The following PIEZO2 variants were observed in gnomAD, a reference collection of about 807,000 sequenced individuals.
PIEZO2 encodes piezo-type mechanosensitive ion channel component 2.
A neutral mutation model predicts 337.3 loss-of-function variants in PIEZO2; 172 were observed. The ratio of observed to expected loss-of-function variants is 0.51; its 90% CI spans 0.45 to 0.58. The LOEUF (loss-of-function observed/expected upper bound fraction) is 0.58, where lower values mean the gene tolerates loss of function less well. PIEZO2 is among the 20% of genes least tolerant of loss of function. PIEZO2 has a pLI of 0.00. For missense variants in PIEZO2, 3,028 were observed against 3,391.3 expected, an observed-to-expected ratio of 0.89 and a Z score of 2.66; for synonymous variants, 1,251 against 1,228.5, an observed-to-expected ratio of 1.02 and a Z score of -0.38.
rs1030185882 is a variant in PIEZO2 at position 11,070,547 on chromosome 18, G to C, written c.65-4325C>G. Among the ~76,000 whole-genome samples, 4 of 152,166 alleles carry C rather than the reference G, an allele frequency of 2.6e-5. No individual in the cohort carries two copies. The highest frequency in any genetic ancestry group is 4.4e-5 in the Non-Finnish European group (3 of 68,038). ...AAAAGCAGCAGAAAAATTCGAGACG[G>C]ATATGAGAAAAACCAGGAAAGCCTA... On this transcript the variant is annotated intron_variant, in intron 1 of 55. Transcript: ENST00000674853. The surrounding 1 kb of genome is among the most constrained non-coding windows in gnomAD (Gnocchi z 4.3).
At chr18:10,989,244 G>A (rs1249287097) in intron 2 of PIEZO2, among the ~76,000 whole-genome samples, 2 of 151,866 alleles carry the variant, frequency 1.3e-5, no homozygotes, top group South Asian at 2.1e-4. Flanking sequence ...ATTTTTCTAT[G>A]AGAATCATAC....
intron 1 of PIEZO2, among the ~76,000 whole-genome samples, chr18:11,093,576 CTTTTTTTTT>C (rs67441841): frequency 3.5e-5 from 2 of 56,632 alleles, no homozygotes; most frequent in African/African-American, 6.6e-5. Flanking sequence ...CACTCAACAT[CTTTTTTTTT>C]TTTTTTTTTT....
At chr18:11,060,418 T>C (rs2037901875) in intron 2 of PIEZO2, among the ~76,000 whole-genome samples, 2 of 152,064 alleles carry the variant, frequency 1.3e-5, no homozygotes, top group Non-Finnish European at 2.9e-5. Flanking sequence ...AGAGCAGAAC[T>C]GAAGGAGATA....
rs2039434037 is a variant in PIEZO2, at chr18:11,101,992, G to A, written c.65-35770C>T. Among the ~76,000 whole-genome samples, 3 of 152,108 alleles carry A rather than the reference G, an allele frequency of 2.0e-5. No individual in the cohort carries two copies. Among genetic ancestry groups the A allele is most frequent in the Admixed American group, 6.5e-5 (1 of 15,268 alleles). On this transcript the variant is annotated intron_variant, in intron 1 of 55. Coordinates refer to ENST00000674853, the MANE Select transcript of PIEZO2 (RefSeq NM_001378183.1). The surrounding 1 kb of genome is among the most constrained non-coding windows in gnomAD (Gnocchi z 4.4). Reference sequence around the variant, plus strand: ...TCTGATGGACCAAAAAACATAAAAGGTGATTGTGTGCCTGGGGATCCTGGG... The same window carrying A: ...TCTGATGGACCAAAAAACATAAAAGATGATTGTGTGCCTGGGGATCCTGGG...
chr18:10,784,992 C>G lies in PIEZO2; in HGVS notation c.2319-35G>C. The G allele has an allele frequency of 2.6e-6, 4 of 1,512,776 alleles. No homozygotes were observed. The highest frequency in any genetic ancestry group is 3.5e-6 in the Non-Finnish European group (4 of 1,135,168). 93.7% of individuals were successfully genotyped at this position (1,512,776 alleles called of 1,614,324 possible). ...AAAACAAAATAAAAAGCAGGAACCT[C>G]TCTTACGCAATGAAGTCACAAACTC... is the stretch of plus-strand genomic sequence containing the variant. On this transcript the variant is annotated intron_variant, in intron 16 of 55. Transcript: ENST00000674853. The surrounding 1 kb of genome is among the most constrained non-coding windows in gnomAD (Gnocchi z 4.5).
At chr18:11,036,223 G>C (rs1383613186) in intron 2 of PIEZO2, among the ~76,000 whole-genome samples, 1 of 152,176 alleles carries the variant, frequency 6.6e-6, no homozygotes, top group Non-Finnish European at 1.5e-5. Context: ...ACTTGCTGAA[G>C]AGGTTATAAG....
intron 36 of PIEZO2, among the ~76,000 whole-genome samples, chr18:10,723,734 C>A (rs1330480170): frequency 2.0e-5 from 3 of 151,968 alleles, no homozygotes; most frequent in South Asian, 4.2e-4. Context: ...TTGGGGTGAG[C>A]GCCCTGTCAC....
At chr18:10,751,785 G>T (rs983676619) in intron 28 of PIEZO2, among the ~76,000 whole-genome samples, 13 of 152,302 alleles carry the variant, frequency 8.5e-5, no homozygotes, top group African/African-American at 3.1e-4. Flanking sequence ...CAGCCAGAGA[G>T]CTATTAACTC....
intron 3 of PIEZO2, among the ~76,000 whole-genome samples, chr18:10,972,436 G>A (rs1231000517): frequency 6.6e-6 from 1 of 152,148 alleles, no homozygotes; most frequent in Non-Finnish European, 1.5e-5. Flanking sequence ...GGAAGGCCAG[G>A]CCAGGCCCAA....
chr18:10,705,713 G>T lies in PIEZO2; in HGVS notation c.5622C>A (p.Arg1874=). 1 of 1,536,120 alleles carries T rather than the reference G, an allele frequency of 6.5e-7. No homozygotes were observed. Among genetic ancestry groups the T allele is most frequent in the South Asian group, 1.2e-5 (1 of 83,988 alleles). ...EPTQCTMLYS[R]QGTTETIEEV... is the part of the protein sequence containing the mutation. ...CCTCGATGGTCTCAGTGGTCCCCTG[G>T]CGTGAGTACAGCATGGTACACTGCG... The change falls in exon 41 of 56, where the codon CGC becomes CGA. Residue 1874 remains arginine (R), a synonymous_variant. Coordinates refer to ENST00000674853, the MANE Select transcript of PIEZO2 (RefSeq NM_001378183.1).
At position 10,725,095 on chromosome 18, in the gene PIEZO2, T is replaced by C. The variant is rs574941504; in HGVS notation, c.5029+6312A>G. On this transcript the variant is annotated intron_variant, in intron 36 of 55. Coordinates refer to ENST00000674853, the MANE Select transcript of PIEZO2 (RefSeq NM_001378183.1). ...GGGAGACAAGTTCTTTCAGTCGCAT[T>C]ACACCTACAATCCACAGTTCGAGTA... The C allele has an allele frequency of 5.9e-4, 883 of 1,497,308 alleles. 9 individuals are homozygous for C. Among genetic ancestry groups the C allele is most frequent in the Admixed American group, 5.0e-4 (30 of 59,758 alleles). The allele number at this position is 1,497,308 out of a possible 1,614,324, so 92.8% of individuals were successfully genotyped here. A position where few individuals can be genotyped will look rare whatever the true frequency, so the allele number is the denominator to read the frequency against.
intron 2 of PIEZO2, among the ~76,000 whole-genome samples, chr18:11,051,924 T>G (rs1443008816): frequency 2.0e-5 from 3 of 152,194 alleles, no homozygotes; most frequent in Admixed American, 6.5e-5. Context: ...CTTGGTGAAG[T>G]GAAGCCACGA....
chr18:10,886,854 AG>A (rs1185241957), intron 4 of PIEZO2, among the ~76,000 whole-genome samples: 7 of 152,052 alleles, frequency 4.6e-5, no homozygotes, highest in African/African-American at 1.7e-4. Flanking sequence ...GGAATACCTG[AG>A]ATTTAATAAT....
rs1268590125 is a variant in PIEZO2 at position 11,116,440 on chromosome 18, G to A, written c.64+32085C>T. On this transcript the variant is annotated intron_variant, in intron 1 of 55. Coordinates refer to ENST00000674853, the MANE Select transcript of PIEZO2 (RefSeq NM_001378183.1). The surrounding 1 kb of genome is among the most constrained non-coding windows in gnomAD (Gnocchi z 5.0). Reference sequence around the variant, plus strand: ...AAAGAATGAAATTTGCAGGCCGGGCGCGGTGGCTCACGCCTGTAAACCCAG... The same window carrying A: ...AAAGAATGAAATTTGCAGGCCGGGCACGGTGGCTCACGCCTGTAAACCCAG... 5.3e-5 allele frequency among the ~76,000 whole-genome samples: 8 copies of A among 152,090 alleles called. No homozygotes were observed. Among genetic ancestry groups the A allele is most frequent in the African/African-American group, 9.6e-5 (4 of 41,500 alleles).
intron 27 of PIEZO2, among the ~76,000 whole-genome samples, 163 bp from the exon 28 acceptor site, chr18:10,753,042 G>A (rs562657029): frequency 6.6e-6 from 1 of 152,322 alleles, no homozygotes; most frequent in South Asian, 2.1e-4. Flanking sequence ...CCCTCAAATA[G>A]TTAGTAATAG....
In PIEZO2 at chr18:11,101,821, A is replaced by G. The variant is rs2039428840; in HGVS notation, c.65-35599T>C. On this transcript the variant is annotated intron_variant, in intron 1 of 55. Coordinates refer to ENST00000674853, the MANE Select transcript of PIEZO2 (RefSeq NM_001378183.1). This position sits in a 1 kb window ranked among gnomAD's most constrained non-coding sequence, Gnocchi z 4.4. ...CAGGCAGAAGGCCTCGGCTACTCCC[A>G]TGCTAAATTTTTGGGACACACAAGC... 6.6e-6 allele frequency among the ~76,000 whole-genome samples: 1 copy of G among 152,224 alleles called. No individual in the cohort carries two copies. The highest frequency in any genetic ancestry group is 1.5e-5 in the Non-Finnish European group (1 of 68,040).
chr18:10,947,894 G>A (rs2033106842), intron 3 of PIEZO2, among the ~76,000 whole-genome samples: 1 of 152,012 alleles, frequency 6.6e-6, no homozygotes, highest in South Asian at 2.1e-4. Flanking sequence ...TTACCTGAAG[G>A]CAGATTGTGA....
At chr18:11,013,951 A>G (rs772069324) in intron 2 of PIEZO2, among the ~76,000 whole-genome samples, 1 of 152,238 alleles carries the variant, frequency 6.6e-6, no homozygotes, top group Non-Finnish European at 1.5e-5. Context: ...CGAGGGATAC[A>G]AGACAGCTAA....
chr18:10,787,454 GAAAT>G (rs1254442838), intron 15 of PIEZO2, among the ~76,000 whole-genome samples: 1 of 152,156 alleles, frequency 6.6e-6, no homozygotes, highest in Non-Finnish European at 1.5e-5. Flanking sequence ...CTACGAGGAT[GAAAT>G]AGATATTGCT....
Sources: gnomAD v4.1 joint callset for allele counts (sites outside exome capture counted in the v4.1 genomes callset) on GRCh38, gnomAD v4.1.1 for gene constraint, Gnocchi (gnomAD v3.1) non-coding constraint, MANE v1.5 for transcripts, NCBI Gene and HGNC (gene_info 2026-07-23, HGNC 2026-07-21) for gene names.